The following PTH2R variants were observed in gnomAD, a reference collection of about 807,000 sequenced individuals.
The protein encoded by PTH2R is PTH2 receptor.
A neutral mutation model predicts 60.3 loss-of-function variants in PTH2R; 59 were observed. That is an observed-to-expected ratio of 0.98 (90% CI 0.79 to 1.22). PTH2R has a LOEUF of 1.22. Ranked by LOEUF, PTH2R falls within the 50% of genes most tolerant of loss-of-function variation. The pLI, the probability that PTH2R is intolerant of heterozygous loss-of-function variation, is 0.00. For missense variants in PTH2R, 749 were observed against 682.6 expected, an observed-to-expected ratio of 1.10 and a Z score of -1.08; for synonymous variants, 256 against 243.8, an observed-to-expected ratio of 1.05 and a Z score of -0.47.
At chr2:208,366,673 A>G (rs1700599707) in intron 1 of PTH2R, among the ~76,000 whole-genome samples, 1 of 152,196 alleles carries the variant, frequency 6.6e-6, no homozygotes, top group Non-Finnish European at 1.5e-5. Flanking sequence ...GCATTGAGGT[A>G]AGGACTTCTG....
chr2:208,410,665 A>C (rs1013304074), intron 1 of PTH2R, among the ~76,000 whole-genome samples: 2 of 152,204 alleles, frequency 1.3e-5, no homozygotes, highest in African/African-American at 4.8e-5. Context: ...CATGTGACAG[A>C]AACAATAGGA....
intron 1 of PTH2R, among the ~76,000 whole-genome samples, chr2:208,390,630 C>A (rs982467249): frequency 1.3e-5 from 2 of 152,120 alleles, no homozygotes; most frequent in Admixed American, 1.3e-4. Context: ...AACCATTATT[C>A]CTGCTATCAG....
At chr2:208,437,702 T>G in intron 3 of PTH2R, 55 bp downstream of exon 3, 1 of 1,603,520 alleles carries the variant, frequency 6.2e-7, no homozygotes, top group Non-Finnish European at 8.5e-7. Context: ...TTGTCCATTT[T>G]CTTGATAATA....
chr2:208,435,020 TTTC>T (rs1438131433), intron 2 of PTH2R, among the ~76,000 whole-genome samples: 2 of 152,234 alleles, frequency 1.3e-5, no homozygotes, highest in African/African-American at 4.8e-5. Context: ...GACATTTTCT[TTTC>T]TTATTGCTTC....
At chr2:208,376,376 T>C (rs1289497389) in intron 1 of PTH2R, among the ~76,000 whole-genome samples, 4 of 152,146 alleles carry the variant, frequency 2.6e-5, no homozygotes, top group Non-Finnish European at 5.9e-5. Flanking sequence ...TTAAAATACC[T>C]ACTGTTGCAC....
At chr2:208,481,947 C>T (rs1262463533) in intron 10 of PTH2R, among the ~76,000 whole-genome samples, 2 of 152,160 alleles carry the variant, frequency 1.3e-5, no homozygotes, top group Admixed American at 1.3e-4. Context: ...TATTATCAAA[C>T]TATCTTAAGG....
chr2:208,437,939 C>A, intron 4 of PTH2R, 58 bp downstream of exon 4: 1 of 1,567,390 alleles, frequency 6.4e-7, no homozygotes, highest in South Asian at 1.1e-5. Flanking sequence ...TATTTTAATG[C>A]AATTCTCAAT....
intron 1 of PTH2R, among the ~76,000 whole-genome samples, chr2:208,368,411 T>C (rs1479426157): frequency 6.6e-6 from 1 of 152,232 alleles, no homozygotes; most frequent in East Asian, 1.9e-4. Context: ...ACAAAGCAAG[T>C]ATTCTTATAC....
chr2:208,384,638 C>T (rs748022968), intron 1 of PTH2R, among the ~76,000 whole-genome samples: 2 of 152,200 alleles, frequency 1.3e-5, no homozygotes, highest in Admixed American at 6.5e-5. Context: ...ATTAGATAGA[C>T]GAACTGTTAT....
intron 1 of PTH2R, among the ~76,000 whole-genome samples, chr2:208,376,801 G>A (rs936338047): frequency 1.3e-5 from 2 of 151,338 alleles, no homozygotes; most frequent in Non-Finnish European, 2.9e-5. Flanking sequence ...TCTTTTATCC[G>A]CCCCTCTTAT....
chr2:208,425,374 G>A (rs1701836648), intron 1 of PTH2R, among the ~76,000 whole-genome samples: 1 of 152,124 alleles, frequency 6.6e-6, no homozygotes, highest in South Asian at 2.1e-4. Context: ...TTCCATGCCA[G>A]TTTACCATTG....
chr2:208,436,877 C>G (rs1702086026), intron 2 of PTH2R, among the ~76,000 whole-genome samples: 1 of 152,162 alleles, frequency 6.6e-6, no homozygotes, highest in Non-Finnish European at 1.5e-5. Flanking sequence ...CAATGCCACC[C>G]AGAGAACTGT....
chr2:208,447,799 T>C (rs1702319690), intron 7 of PTH2R, among the ~76,000 whole-genome samples: 2 of 152,030 alleles, frequency 1.3e-5, no homozygotes, highest in Admixed American at 1.3e-4. Context: ...GATAACTGTT[T>C]CTTTTCATTC....
intron 4 of PTH2R, among the ~76,000 whole-genome samples, chr2:208,440,631 C>T (rs570842508): frequency 3.3e-5 from 5 of 152,172 alleles, no homozygotes; most frequent in South Asian, 2.1e-4. Context: ...CCCATGGCTG[C>T]GTGTATCCCT....
chr2:208,371,158 G>A (rs1700694281), intron 1 of PTH2R, among the ~76,000 whole-genome samples: 3 of 152,010 alleles, frequency 2.0e-5, no homozygotes, highest in African/African-American at 7.3e-5. Context: ...ATTTCAACAT[G>A]ACATTTTGAG....
At chr2:208,468,330 G>T (rs1329847873) in intron 9 of PTH2R, among the ~76,000 whole-genome samples, 2 of 152,186 alleles carry the variant, frequency 1.3e-5, no homozygotes, top group Non-Finnish European at 2.9e-5. Context: ...AGTGTTTTAT[G>T]TACATCAATG....
intron 1 of PTH2R, among the ~76,000 whole-genome samples, chr2:208,368,020 C>T (rs1028206839): frequency 2.0e-5 from 1 of 50,440 alleles, no homozygotes; most frequent in Non-Finnish European, 6.2e-5. Context: ...CATTATCTCT[C>T]AAAGACAAAC....
intron 1 of PTH2R, among the ~76,000 whole-genome samples, chr2:208,418,135 T>C (rs1430652737): frequency 6.6e-6 from 1 of 152,068 alleles, no homozygotes; most frequent in Non-Finnish European, 1.5e-5. Context: ...AAAAATATCC[T>C]ATTAGTAATA....
At chr2:208,388,132 ACCC>A (rs55810977) in intron 1 of PTH2R, among the ~76,000 whole-genome samples, 1 of 131,352 alleles carries the variant, frequency 7.6e-6, no homozygotes, top group Admixed American at 7.8e-5. Context: ...ACATGGTGAA[ACCC>A]CCCCCCCCGT....
Sources: gnomAD v4.1 joint callset for allele counts (sites outside exome capture counted in the v4.1 genomes callset) on GRCh38, gnomAD v4.1.1 for gene constraint, MANE v1.5 for transcripts, NCBI Gene and HGNC (gene_info 2026-07-23, HGNC 2026-07-21) for gene names.